Variants in OTUD7A observed in about 807,000 individuals in gnomAD.
OTUD7A encodes the protein OTU domain-containing protein 7A.
OTUD7A carries 12 observed loss-of-function variants against 65.7 expected under a neutral mutation model. That is an observed-to-expected ratio of 0.18 (90% CI 0.12 to 0.30). OTUD7A has a LOEUF of 0.30. Ranked by LOEUF, OTUD7A falls within the 10% of genes least tolerant of loss-of-function variation. OTUD7A has a pLI of 1.00. For synonymous variants in OTUD7A, 641 were observed against 586.3 expected, an observed-to-expected ratio of 1.09 and a Z score of -1.35; for missense variants, 1,148 against 1,304.8, an observed-to-expected ratio of 0.88 and a Z score of 1.85.
chr15:31,837,224 T>G (rs577249012), intron 1 of OTUD7A, among the ~76,000 whole-genome samples: 1 of 152,122 alleles, frequency 6.6e-6, no homozygotes, highest in African/African-American at 2.4e-5. Context: ...ATATGATTCA[T>G]GATCACTCAA....
intron 3 of OTUD7A, among the ~76,000 whole-genome samples, chr15:31,637,985 C>A (rs946352195): frequency 2.0e-5 from 3 of 152,188 alleles, no homozygotes; most frequent in African/African-American, 7.2e-5. Flanking sequence ...TTACAAAATG[C>A]ATTTGATAAA....
intron 1 of OTUD7A, among the ~76,000 whole-genome samples, chr15:31,759,071 C>T (rs532596112): frequency 6.6e-6 from 1 of 152,288 alleles, no homozygotes; most frequent in South Asian, 2.1e-4. Flanking sequence ...TCTAAGATTG[C>T]TATAACCCTC....
intron 3 of OTUD7A, among the ~76,000 whole-genome samples, chr15:31,606,692 T>C (rs1890249082): frequency 6.6e-6 from 1 of 152,222 alleles, no homozygotes; most frequent in South Asian, 2.1e-4. Context: ...ACTTCTGTTT[T>C]GGAAGTCAGC....
At chr15:31,540,339 T>C (rs896536451) in intron 5 of OTUD7A, among the ~76,000 whole-genome samples, 2 of 152,302 alleles carry the variant, frequency 1.3e-5, no homozygotes, top group South Asian at 2.1e-4. Context: ...AAAGACCAAC[T>C]GATTCAAGTT....
intron 8 of OTUD7A, 115 bp downstream of exon 8, chr15:31,526,234 C>G (rs1324273543): frequency 1.2e-5 from 13 of 1,092,572 alleles, no homozygotes; most frequent in Middle Eastern, 2.5e-4. Flanking sequence ...ATCTTTCTGT[C>G]TTCCACAGCA....
intron 5 of OTUD7A, 58 bp from the exon 6 acceptor site, chr15:31,530,866 T>C: frequency 6.8e-7 from 1 of 1,461,904 alleles, no homozygotes; most frequent in Non-Finnish European, 9.5e-7. Context: ...CCACTGGGGG[T>C]GTTTGCTAAG....
intron 5 of OTUD7A, among the ~76,000 whole-genome samples, chr15:31,531,893 G>A (rs947320807): frequency 6.6e-6 from 1 of 152,148 alleles, no homozygotes; most frequent in Non-Finnish European, 1.5e-5. Flanking sequence ...TGGCTGTAAT[G>A]AGAATCTCTG....
chr15:31,750,060 G>A (rs545365137), intron 1 of OTUD7A, among the ~76,000 whole-genome samples: 13 of 152,250 alleles, frequency 8.5e-5, no homozygotes, highest in South Asian at 2.1e-4. Flanking sequence ...AAGAAATTAC[G>A]GATGACACAA....
chr15:31,592,977 A>G (rs1461963819), intron 3 of OTUD7A, among the ~76,000 whole-genome samples: 1 of 141,792 alleles, frequency 7.1e-6, no homozygotes, highest in Non-Finnish European at 1.5e-5. Context: ...ATATATATAT[A>G]TAGAAGGCAT....
intron 1 of OTUD7A, among the ~76,000 whole-genome samples, chr15:31,747,212 G>C (rs531150499): frequency 6.6e-6 from 1 of 151,922 alleles, no homozygotes; most frequent in East Asian, 1.9e-4. Flanking sequence ...TGTGCAGATC[G>C]GGGCTGAAAG....
At chr15:31,773,313 AAT>A (rs1452026683) in intron 1 of OTUD7A, among the ~76,000 whole-genome samples, 5 of 152,224 alleles carry the variant, frequency 3.3e-5, no homozygotes, top group Non-Finnish European at 7.3e-5. Context: ...AATACCATTG[AAT>A]ATGTAGCTTA....
intron 1 of OTUD7A, among the ~76,000 whole-genome samples, chr15:31,850,733 T>G (rs898411203): frequency 2.6e-5 from 4 of 152,056 alleles, no homozygotes; most frequent in Admixed American, 1.3e-4. Context: ...CAGAAGGTTC[T>G]CACCTCAGAG....
Position 31,480,312 on chromosome 15 carries a change from G to A in OTUD7A, c.*2982C>T, listed in dbSNP as rs961495910. On this transcript the variant is annotated 3_prime_UTR_variant, in exon 13 of 13. Coordinates refer to ENST00000307050, the MANE Select transcript of OTUD7A (RefSeq NM_001382637.1). ...CATTTACCCAGATAACAAATGTGCA[G>A]GAAATGTAAAGTAAATTTCTGAAAT... 6.6e-6 allele frequency: 1 copy of A among 152,322 alleles called. No individual in the cohort carries two copies. Among genetic ancestry groups the A allele is most frequent in the African/African-American group, 2.4e-5 (1 of 41,570 alleles). 9.4% of individuals were successfully genotyped at this position (152,322 alleles called of 1,614,324 possible).
chr15:31,684,030 G>A (rs946066593), intron 1 of OTUD7A, among the ~76,000 whole-genome samples: 1 of 152,184 alleles, frequency 6.6e-6, no homozygotes, highest in African/African-American at 2.4e-5. Flanking sequence ...TGCAGCCCTG[G>A]ATGATGTAGC....
At chr15:31,657,667 A>C (rs1001632481) in intron 1 of OTUD7A, among the ~76,000 whole-genome samples, 1 of 151,716 alleles carries the variant, frequency 6.6e-6, no homozygotes, top group African/African-American at 2.4e-5. Flanking sequence ...AGCTTTCCAG[A>C]TGTATTTCTT....
chr15:31,552,621 T>A (rs1242636778), intron 5 of OTUD7A, among the ~76,000 whole-genome samples: 4 of 152,146 alleles, frequency 2.6e-5, no homozygotes, highest in Non-Finnish European at 5.9e-5. Context: ...TGACGCCCCC[T>A]CAGGGGGCTG....
At chr15:31,542,053 T>C (rs895268282) in intron 5 of OTUD7A, among the ~76,000 whole-genome samples, 5 of 152,052 alleles carry the variant, frequency 3.3e-5, no homozygotes, top group Non-Finnish European at 7.4e-5. Flanking sequence ...TAATTCCTCT[T>C]GGGAAACTGG....
At chr15:31,798,770 C>T (rs12441587) in intron 1 of OTUD7A, among the ~76,000 whole-genome samples, 4 of 152,198 alleles carry the variant, frequency 2.6e-5, no homozygotes, top group South Asian at 2.1e-4. Context: ...CCAGCCCCCA[C>T]GGCCCCAGAG....
chr15:31,544,938 C>A (rs566361755), intron 5 of OTUD7A, among the ~76,000 whole-genome samples: 11 of 151,490 alleles, frequency 7.3e-5, no homozygotes, highest in African/African-American at 2.2e-4. Flanking sequence ...TGTCTGAATT[C>A]ATTCATTATA....
Sources: gnomAD v4.1 joint callset for allele counts (sites outside exome capture counted in the v4.1 genomes callset) on GRCh38, gnomAD v4.1.1 for gene constraint, MANE v1.5 for transcripts, NCBI Gene and HGNC (gene_info 2026-07-23, HGNC 2026-07-21) for gene names.